PRR13: variants seen among roughly 807,000 people sequenced by gnomAD.
The protein encoded by PRR13 is proline rich 13, also known as proline-rich protein 13.
Under a neutral mutation model 11.5 loss-of-function variants are expected in PRR13, and 7 were observed. The ratio of observed to expected loss-of-function variants is 0.61; its 90% confidence interval spans 0.34 to 1.14. PRR13 has a LOEUF of 1.14. Ranked by LOEUF, PRR13 falls within the 50% of genes most tolerant of loss-of-function variation. PRR13 has a pLI of 0.03. For synonymous variants in PRR13, 53 were observed against 67.8 expected (o/e 0.78, Z 1.07); for missense variants, 155 against 194.4 (o/e 0.80, Z 1.21).
At chr12:53,444,881 G>C (rs1940371380) in intron 3 of PRR13, among the ~76,000 whole-genome samples, 1 of 152,014 alleles carries the variant, frequency 6.6e-6, no homozygotes, top group African/African-American at 2.4e-5. Context: ...CTCGGTGACA[G>C]ATAAGACTCC....
rs1210163551 is a variant in PRR13, at chr12:53,443,750, C to G, written c.379C>G (p.His127Asp). The G allele has an allele frequency of 6.2e-7, 1 of 1,606,656 alleles. No individual in the cohort carries two copies. Among genetic ancestry groups the G allele is most frequent in the South Asian group, 1.1e-5 (1 of 89,888 alleles). The change falls in exon 3 of 4, where the codon CAC becomes GAC. Residue 127 changes from histidine to aspartate, a missense_variant. By Grantham distance (81) the His-to-Asp change is moderately conservative (BLOSUM62 -1). Coordinates refer to ENST00000429243, the MANE Select transcript of PRR13 (RefSeq NM_018457.4). ...HKKMHKHQKH[H>D]KYHKHGKHSS... ...AAAGATGCACAAGCACCAAAAGCAC[C>G]ACAAGTACCACAAGCATGGCAAGGT...
chr12:53,444,367 T>C (rs1246053244), intron 3 of PRR13, among the ~76,000 whole-genome samples: 1 of 151,604 alleles, frequency 6.6e-6, no homozygotes, highest in Non-Finnish European at 1.5e-5. Context: ...TCCCGCTCTT[T>C]AGCCCAGGCC....
intron 3 of PRR13, chr12:53,444,135 C>T (rs941925982): frequency 7.8e-6 from 3 of 386,530 alleles, no homozygotes; most frequent in Middle Eastern, 6.7e-4. Flanking sequence ...AAAGTCATTC[C>T]TTTGACAAAG....
chr12:53,443,664 T>C lies in PRR13; in HGVS notation c.293T>C (p.Met98Thr). The C allele has an allele frequency of 1.5e-5, 24 of 1,614,194 alleles. No homozygotes were observed. Among genetic ancestry groups the C allele is most frequent in the Non-Finnish European group, 2.0e-5 (24 of 1,180,044 alleles). ...IPPVNPLAPG[M>T]VGPAVIVDKK... is the part of the protein sequence containing the mutation. ...CCTGTGAATCCCTTGGCTCCTGGCA[T>C]GGTTGGACCAGCAGTGATAGTAGAC... Residue 98 changes from methionine (M) to threonine (T), a missense_variant, in exon 3 of 4, where the codon ATG (methionine) becomes ACG (threonine). Physicochemically the swap from Met to Thr is moderately conservative, Grantham distance 81 (BLOSUM62 -1). Transcript: ENST00000429243.
At chr12:53,443,196 C>A in intron 2 of PRR13, 195 bp from the exon 3 acceptor site, 1 of 541,896 alleles carries the variant, frequency 1.8e-6, no homozygotes, top group Non-Finnish European at 3.1e-6. Flanking sequence ...CACTGTCTCC[C>A]TCCTCTCCCT....
In PRR13 at chr12:53,442,850, C is replaced by T. The variant is rs1239058587; in HGVS notation, c.19+117C>T. Reference sequence around the variant, plus strand: ...CTGCTGTACCCGCAAAAGCAAAGTCCTTAGTCTAGAGCTGACCAGTGCTTT... The same window carrying T: ...CTGCTGTACCCGCAAAAGCAAAGTCTTTAGTCTAGAGCTGACCAGTGCTTT... On this transcript the variant is annotated intron_variant, in intron 2 of 3. Coordinates refer to ENST00000429243, the MANE Select transcript of PRR13 (RefSeq NM_018457.4). 6 of 1,072,600 alleles carry T rather than the reference C, an allele frequency of 5.6e-6. No individual in the cohort carries two copies. The East Asian group carries it at 1.4e-4, about 26-fold the overall frequency. The allele number at this position is 1,072,600 out of a possible 1,614,324, so 66.4% of individuals were successfully genotyped here. A position where few individuals can be genotyped will look rare whatever the true frequency, so the allele number is the denominator to read the frequency against.
intron 1 of PRR13, 43 bp from the exon 2 acceptor site, chr12:53,442,652 C>G (rs538345974): frequency 2.6e-6 from 4 of 1,541,306 alleles, no homozygotes; most frequent in Middle Eastern, 1.8e-4. Context: ...CCACTTCCTA[C>G]CTCTAGACCG....
At chr12:53,445,219 G>A (rs543472141) in intron 3 of PRR13, among the ~76,000 whole-genome samples, 2 of 151,326 alleles carry the variant, frequency 1.3e-5, no homozygotes, top group East Asian at 2.0e-4. Flanking sequence ...ATGGTGGTGC[G>A]TGTCTGTAAT....
intron 2 of PRR13, 86 bp downstream of exon 2, chr12:53,442,819 C>T (rs1213486504): frequency 2.1e-6 from 3 of 1,432,826 alleles, no homozygotes; most frequent in Non-Finnish European, 2.0e-6. Flanking sequence ...CTCCCCTACC[C>T]CCGACCTGCT....
chr12:53,442,564 T>C, intron 1 of PRR13, 131 bp from the exon 2 acceptor site: 1 of 756,930 alleles, frequency 1.3e-6, no homozygotes, highest in South Asian at 1.6e-5. Flanking sequence ...ATTTCTTATG[T>C]GGAAGTTGTG....
chr12:53,444,009 A>G, intron 3 of PRR13: 1 of 564,938 alleles, frequency 1.8e-6, no homozygotes, highest in Non-Finnish European at 2.9e-6. Flanking sequence ...CTTAGAATGG[A>G]TTTTAGAATC....
intron 3 of PRR13, 127 bp from the exon 4 acceptor site, chr12:53,445,888 G>A: frequency 2.1e-6 from 3 of 1,401,534 alleles, no homozygotes; most frequent in Non-Finnish European, 2.0e-6. Flanking sequence ...CAAGACTCCT[G>A]ACCTTCTTAG....
rs993438970 is a variant in PRR13 at position 53,443,851 on chromosome 12, G to A, written c.402+78G>A. On this transcript the variant is annotated intron_variant, in intron 3 of 3. Transcript: ENST00000429243. ...AGGTAGGCAGGGGTTGGGTGAGGGG[G>A]ATTCACATTCTGTGGACGTGAGGGA... is the stretch of plus-strand genomic sequence containing the variant. 6 of 1,476,328 alleles carry A rather than the reference G, an allele frequency of 4.1e-6. No individual in the cohort carries two copies. In the African/African-American group the frequency reaches 4.2e-5, roughly 10 times the overall value. 91.5% of individuals were successfully genotyped at this position (1,476,328 alleles called of 1,614,324 possible). A position where few individuals can be genotyped will look rare whatever the true frequency, so the allele number is the denominator to read the frequency against.
Position 53,441,770 on chromosome 12 carries a change from C to T in PRR13, c.-43C>T. ...GCCGAGACTGCGAAGGAGAACGCAG[C>T]AAGCCCAGGCGGCGGTGGAAAGGTG... On this transcript the variant is annotated 5_prime_UTR_variant, in exon 1 of 4. Transcript: ENST00000429243. 2 of 702,242 alleles carry T rather than the reference C, an allele frequency of 2.8e-6. No individual in the cohort carries two copies. Among genetic ancestry groups the T allele is most frequent in the Non-Finnish European group, 5.2e-6 (2 of 384,792 alleles). The allele number at this position is 702,242 out of a possible 1,614,324, so 43.5% of individuals were successfully genotyped here. A position where few individuals can be genotyped will look rare whatever the true frequency, so the allele number is the denominator to read the frequency against.
At chr12:53,443,335 T>A in intron 2 of PRR13, 56 bp from the exon 3 acceptor site, 5 of 1,313,478 alleles carry the variant, frequency 3.8e-6, no homozygotes, top group Non-Finnish European at 4.9e-6. Flanking sequence ...CTTTTTGTTG[T>A]TTGTTGTTGG....
At chr12:53,442,405 CGGCTAATT>C (rs66994151) in intron 1 of PRR13, 14,369 of 299,592 alleles carry the variant, frequency 0.048, 1,920 homozygotes, top group African/African-American at 0.29. Context: ...CCACCGCGCC[CGGCTAATT>C]TTTAGATTTT....
In PRR13 at chr12:53,443,574, A is replaced by G; in HGVS notation, c.203A>G (p.Tyr68Cys). 1 of 1,606,488 alleles carries G rather than the reference A, an allele frequency of 6.2e-7. No homozygotes were observed. Residue 68 changes from tyrosine (Y) to cysteine (C), a missense_variant, in exon 3 of 4, where the codon TAT becomes TGT. Tyr to Cys is a radical substitution (Grantham distance 194). Transcript: ENST00000429243. ...CCTCATCCTGTGCCACAGCCAGGGT[A>G]TCCAGGATGCCAACCGTTGGGTCCC... is the stretch of plus-strand genomic sequence containing the variant. ...GPPHPVPQPG[Y>C]PGCQPLGPYP...
In PRR13 at chr12:53,443,390, G is replaced by C. The variant is rs1940334364; in HGVS notation, c.20-1G>C. 4 of 1,398,048 alleles carry C rather than the reference G, an allele frequency of 2.9e-6. No homozygotes were observed. The highest frequency in any genetic ancestry group is 3.7e-6 in the Non-Finnish European group (4 of 1,068,204). 86.6% of individuals were successfully genotyped at this position (1,398,048 alleles called of 1,614,324 possible). A position where few individuals can be genotyped will look rare whatever the true frequency, so the allele number is the denominator to read the frequency against. On this transcript the variant is annotated splice_acceptor_variant, in intron 2 of 3. Transcript: ENST00000429243. LOFTEE classifies it high-confidence loss of function. ...TGTTTATTCTCTGCTTCTTCCACCA[G>C]GGCAGCCAGGGCCAAATCCATATCC...
At chr12:53,441,840 G>A in intron 1 of PRR13, 48 bp downstream of exon 1, 1 of 702,262 alleles carries the variant, frequency 1.4e-6, no homozygotes, top group African/African-American at 1.7e-5. Flanking sequence ...CCCCTTGCTA[G>A]GTCAAGAGTC....
Sources: allele counts gnomAD v4.1 joint callset (sites outside exome capture counted in the v4.1 genomes callset), GRCh38; gene constraint gnomAD v4.1.1; transcripts MANE v1.5; gene names NCBI Gene and HGNC (gene_info 2026-07-23, HGNC 2026-07-21).